The following KDM4B variants were observed in gnomAD, a reference collection of about 807,000 sequenced individuals.
KDM4B encodes lysine demethylase 4B.
In KDM4B, 32 loss-of-function variants were observed where a neutral mutation model predicts 125.2. The ratio of observed to expected loss-of-function variants is 0.26; its 90% CI spans 0.19 to 0.34. KDM4B has a LOEUF of 0.34. Ranked by LOEUF, KDM4B falls within the 10% of genes least tolerant of loss-of-function variation. KDM4B has a pLI of 1.00. For missense variants in KDM4B, 1,190 were observed against 1,577.7 expected (o/e 0.75, Z 4.16); for synonymous variants, 721 against 677.9 (o/e 1.06, Z -0.99).
intron 1 of KDM4B, among the ~76,000 whole-genome samples, chr19:5,000,363 G>A (rs766959822): frequency 2.5e-4 from 37 of 149,508 alleles, no homozygotes; most frequent in Non-Finnish European, 4.7e-4. Flanking sequence ...CCATCCAACC[G>A]TCCATCTGTT....
chr19:5,086,224 ATTTTTGTGC>A (rs1406304258), intron 9 of KDM4B, among the ~76,000 whole-genome samples: 1 of 114,168 alleles, frequency 8.8e-6, no homozygotes, highest in Non-Finnish European at 1.8e-5. Context: ...CCTTTCTGTC[ATTTTTGTGC>A]TCAGGAGCTG....
At chr19:5,065,857 A>C (rs1236010066) in intron 6 of KDM4B, among the ~76,000 whole-genome samples, 1 of 152,214 alleles carries the variant, frequency 6.6e-6, no homozygotes, top group East Asian at 1.9e-4. Flanking sequence ...TGGCGCGAGC[A>C]GAAGAAGCAA....
At chr19:5,102,760 C>T (rs1189818398) in intron 9 of KDM4B, among the ~76,000 whole-genome samples, 1 of 152,158 alleles carries the variant, frequency 6.6e-6, no homozygotes. Flanking sequence ...ATAGGAGAGC[C>T]CTGGTCCACT....
chr19:5,078,102 A>T lies in KDM4B; in HGVS notation c.780+632A>T, dbSNP rs1393024810. 6.5e-6 allele frequency: 1 copy of T among 154,358 alleles called. No individual in the cohort carries two copies. Among genetic ancestry groups the T allele is most frequent in the Non-Finnish European group, 1.4e-5 (1 of 69,414 alleles). 9.6% of individuals were successfully genotyped at this position (154,358 alleles called of 1,614,324 possible). ...GACAGCTGGGGTTTGGTGTCCCAGGAGCAGAGCAGGCTGTGCTCAGGGTCC... is the reference window on the plus strand; with the variant it reads ...GACAGCTGGGGTTTGGTGTCCCAGGTGCAGAGCAGGCTGTGCTCAGGGTCC... On this transcript the variant is annotated intron_variant, in intron 8 of 22. Coordinates refer to ENST00000159111, the MANE Select transcript of KDM4B (RefSeq NM_015015.3). This position sits in a 1 kb window ranked among gnomAD's most constrained non-coding sequence, Gnocchi z 4.5.
chr19:5,016,770 G>A (rs561789086), intron 2 of KDM4B, among the ~76,000 whole-genome samples: 1 of 152,354 alleles, frequency 6.6e-6, no homozygotes, highest in Non-Finnish European at 1.5e-5. Flanking sequence ...AAAAATGGGA[G>A]ACTCATTTTT....
At chr19:5,073,068 C>T (rs765217914) in intron 7 of KDM4B, among the ~76,000 whole-genome samples, 26 of 152,328 alleles carry the variant, frequency 1.7e-4, no homozygotes, top group Non-Finnish European at 2.2e-4. Context: ...TCGGATCACC[C>T]GGATAGCCAG....
intron 1 of KDM4B, among the ~76,000 whole-genome samples, chr19:4,980,046 A>G (rs1373799406): frequency 6.6e-6 from 1 of 152,156 alleles, no homozygotes; most frequent in Non-Finnish European, 1.5e-5. Flanking sequence ...CGGAGGCTGC[A>G]GTGAGCTGAG....
At chr19:5,040,076 C>G (rs1403447506) in intron 4 of KDM4B, 65 bp downstream of exon 4, 1 of 1,498,224 alleles carries the variant, frequency 6.7e-7, no homozygotes, top group South Asian at 1.3e-5. Flanking sequence ...CATGGGGGCC[C>G]TGGGGGCAGA....
intron 1 of KDM4B, among the ~76,000 whole-genome samples, chr19:4,976,020 C>T (rs578187632): frequency 8.7e-4 from 132 of 151,590 alleles, no homozygotes; most frequent in African/African-American, 3.1e-3. Context: ...GAGGCCGAGG[C>T]GGGTGGATCA....
At chr19:5,088,497 T>TG (rs970103630) in intron 9 of KDM4B, among the ~76,000 whole-genome samples, 4 of 152,058 alleles carry the variant, frequency 2.6e-5, no homozygotes, top group Non-Finnish European at 5.9e-5. Context: ...CAGAGGTCGA[T>TG]GGGGGGGAGG....
rs2038290745 is a variant in KDM4B at position 5,081,421 on chromosome 19, T to G, written c.781-946T>G. Among the ~76,000 whole-genome samples, 2 of 151,422 alleles carry G rather than the reference T, an allele frequency of 1.3e-5. No individual in the cohort carries two copies. The highest frequency in any genetic ancestry group is 4.2e-4 in the South Asian group (2 of 4,780). Reference sequence around the variant, plus strand: ...TCGAGTGTCCCCAGAGTGGGGAGGGTTCCTAGGGCACAAGGCTGTAGCCCC... The same window carrying G: ...TCGAGTGTCCCCAGAGTGGGGAGGGGTCCTAGGGCACAAGGCTGTAGCCCC... On this transcript the variant is annotated intron_variant, in intron 8 of 22. Transcript: ENST00000159111. The surrounding 1 kb of genome is among the most constrained non-coding windows in gnomAD (Gnocchi z 4.2).
intron 3 of KDM4B, 59 bp downstream of exon 3, chr19:5,033,090 A>G (rs1425764093): frequency 3.8e-6 from 6 of 1,584,100 alleles, no homozygotes; most frequent in Non-Finnish European, 5.2e-6. Context: ...GGGCCTGCGG[A>G]CATCCTGGGT....
In KDM4B at chr19:5,035,886, C is replaced by CGCGT. The variant is rs1397543067; in HGVS notation, c.141+2858_141+2859insTGCG. ...CTCTGTGTGTGTGTGTGTGTGCGCG[C>CGCGT]GCGCGCGCGCCTGCGCGCACAGGAG... On this transcript the variant is annotated intron_variant, in intron 3 of 22. Transcript: ENST00000159111. The surrounding 1 kb of genome is among the most constrained non-coding windows in gnomAD (Gnocchi z 5.3). Among the ~76,000 whole-genome samples, 2 of 85,386 alleles carry CGCGT rather than the reference C, an allele frequency of 2.3e-5. No homozygotes were observed. The highest frequency in any genetic ancestry group is 2.8e-5 in the Non-Finnish European group (1 of 36,224). 56.0% of individuals were successfully genotyped at this position (85,386 alleles called of 152,430 possible).
chr19:5,051,634 G>A (rs1322899160), intron 6 of KDM4B, among the ~76,000 whole-genome samples: 3 of 152,350 alleles, frequency 2.0e-5, no homozygotes, highest in South Asian at 2.1e-4. Flanking sequence ...GCGCAGGTGC[G>A]TGGCAGCCAC....
At chr19:5,107,291 G>A (rs925636675) in intron 9 of KDM4B, among the ~76,000 whole-genome samples, 1 of 152,248 alleles carries the variant, frequency 6.6e-6, no homozygotes. Flanking sequence ...GTTTGTGCCT[G>A]ATTTCTCCAT....
intron 12 of KDM4B, 142 bp downstream of exon 12, chr19:5,131,687 AG>A: frequency 2.9e-6 from 1 of 348,612 alleles, no homozygotes; most frequent in South Asian, 3.7e-5. Flanking sequence ...CTGGTTTCAC[AG>A]GGAACTGTGG....
Position 5,114,023 on chromosome 19 carries a change from T to C in KDM4B, c.1115+3205T>C. On this transcript the variant is annotated intron_variant, in intron 10 of 22. Transcript: ENST00000159111. This position sits in a 1 kb window ranked among gnomAD's most constrained non-coding sequence, Gnocchi z 5.8. ...CGAGCGTTGGGGGCTGTTTGTATTCTTCCCCCTGATGGATGGGTCGCCTAA... is the reference window on the plus strand; with the variant it reads ...CGAGCGTTGGGGGCTGTTTGTATTCCTCCCCCTGATGGATGGGTCGCCTAA... The C allele has an allele frequency of 3.9e-6, 5 of 1,280,734 alleles. No individual in the cohort carries two copies. The highest frequency in any genetic ancestry group is 5.1e-6 in the Non-Finnish European group (5 of 983,896). 79.3% of individuals were successfully genotyped at this position (1,280,734 alleles called of 1,614,324 possible).
rs1014495312 is a variant in KDM4B at position 5,071,148 on chromosome 19, C to G, written c.676+89C>G. 9 of 1,248,028 alleles carry G rather than the reference C, an allele frequency of 7.2e-6. No individual in the cohort carries two copies. In the African/African-American group the frequency reaches 1.3e-4, roughly 18 times the overall value. The allele number at this position is 1,248,028 out of a possible 1,614,324, so 77.3% of individuals were successfully genotyped here. ...AAGGGCAGCTGGCGTCCCCCGGGCT[C>G]TGCTGCGGTCTGGGTTTGGGTTTTG... On this transcript the variant is annotated intron_variant, in intron 7 of 22. Transcript: ENST00000159111.
At chr19:5,019,746 T>G (rs1009789766) in intron 2 of KDM4B, among the ~76,000 whole-genome samples, 5 of 139,644 alleles carry the variant, frequency 3.6e-5, no homozygotes, top group African/African-American at 1.4e-4. Flanking sequence ...GGTGTGGGTG[T>G]TGGTGTGCAG....
Sources: allele counts gnomAD v4.1 joint callset (sites outside exome capture counted in the v4.1 genomes callset), GRCh38; gene constraint gnomAD v4.1.1; non-coding constraint Gnocchi (gnomAD v3.1); transcripts MANE v1.5; gene names NCBI Gene and HGNC (gene_info 2026-07-23, HGNC 2026-07-21).